Variants in RGL1 observed in about 807,000 individuals in gnomAD.
The protein encoded by RGL1 is ral guanine nucleotide dissociation stimulator-like 1.
RGL1 carries 24 observed loss-of-function variants against 95.2 expected under a neutral mutation model. The observed-to-expected ratio is 0.25, with a 90% CI of 0.18 to 0.35. The LOEUF (loss-of-function observed/expected upper bound fraction) is 0.35. Ranked by LOEUF, RGL1 falls within the 10% of genes least tolerant of loss-of-function variation. The pLI is 1.00. For missense variants in RGL1, 715 were observed against 936.3 expected (o/e 0.76, Z 3.08); for synonymous variants, 329 against 344.9 (o/e 0.95, Z 0.51).
chr1:183,723,724 G>A (rs546418183), intron 1 of RGL1, among the ~76,000 whole-genome samples: 11 of 152,314 alleles, frequency 7.2e-5, no homozygotes, highest in African/African-American at 2.6e-4. Context: ...AAACTTGAAA[G>A]GCAATCTAGG....
chr1:183,828,439 G>C (rs1022348237), intron 2 of RGL1, among the ~76,000 whole-genome samples: 2 of 152,172 alleles, frequency 1.3e-5, no homozygotes, highest in African/African-American at 4.8e-5. Flanking sequence ...GTGGAGTGGG[G>C]GTAGAGGGCA....
chr1:183,896,660 A>G (rs1205814202), intron 9 of RGL1, among the ~76,000 whole-genome samples: 1 of 152,244 alleles, frequency 6.6e-6, no homozygotes, highest in East Asian at 1.9e-4. Flanking sequence ...TAGAAGTTAT[A>G]TACTACTGAA....
At chr1:183,898,679 T>A (rs997182713) in intron 10 of RGL1, among the ~76,000 whole-genome samples, 106 of 152,340 alleles carry the variant, frequency 7.0e-4, no homozygotes, top group Middle Eastern at 3.4e-3. Flanking sequence ...TGTTACAAAC[T>A]TTTTTGGTTG....
chr1:183,842,579 G>C (rs1329305969), intron 2 of RGL1, among the ~76,000 whole-genome samples: 1 of 152,090 alleles, frequency 6.6e-6, no homozygotes, highest in East Asian at 1.9e-4. Context: ...GAAAAAGCTG[G>C]ATTCTAAAGG....
At chr1:183,856,026 G>A (rs1651272217) in intron 3 of RGL1, among the ~76,000 whole-genome samples, 1 of 152,120 alleles carries the variant, frequency 6.6e-6, no homozygotes, top group African/African-American at 2.4e-5. Flanking sequence ...AGATTTAGTG[G>A]TTGGTGGCTC....
At chr1:183,855,859 C>T (rs1041953279) in intron 3 of RGL1, among the ~76,000 whole-genome samples, 8 of 152,162 alleles carry the variant, frequency 5.3e-5, no homozygotes, top group African/African-American at 1.9e-4. Flanking sequence ...TAATGTTTAA[C>T]TTCCATCACT....
At chr1:183,910,912 G>C (rs1416149567) in intron 14 of RGL1, among the ~76,000 whole-genome samples, 1 of 152,220 alleles carries the variant, frequency 6.6e-6, no homozygotes, top group Non-Finnish European at 1.5e-5. Context: ...TAGACATGCA[G>C]ATATTTGTTG....
At chr1:183,660,960 G>T (rs1287105490) in intron 1 of RGL1, among the ~76,000 whole-genome samples, 6 of 152,242 alleles carry the variant, frequency 3.9e-5, no homozygotes, top group African/African-American at 1.2e-4. Flanking sequence ...AATGACTACT[G>T]GGTACGTAAC....
Position 183,724,684 on chromosome 1 carries a change from A to G in RGL1, c.-32-17442A>G, listed in dbSNP as rs74228148. ...ACCAGGGAGATTCCTAAGATTTCCA[A>G]CTCTAGGCCCTGGCTCCTGGATGGT... On this transcript the variant is annotated intron_variant, in intron 1 of 18. Coordinates refer to the RGL1 transcript ENST00000304685. The surrounding 1 kb of genome is among the most constrained non-coding windows in gnomAD (Gnocchi z 4.1). 2.6e-5 allele frequency among the ~76,000 whole-genome samples: 4 copies of G among 151,506 alleles called. No individual in the cohort carries two copies. The highest frequency in any genetic ancestry group is 2.1e-4 in the South Asian group (1 of 4,796).
intron 12 of RGL1, among the ~76,000 whole-genome samples, chr1:183,902,924 C>T (rs1668107984): frequency 1.3e-5 from 2 of 152,180 alleles, no homozygotes; most frequent in African/African-American, 4.8e-5. Context: ...CACTCCTTAT[C>T]TCCTTTACAA....
At chr1:183,790,738 A>G (rs1369816517) in intron 2 of RGL1, among the ~76,000 whole-genome samples, 2 of 152,228 alleles carry the variant, frequency 1.3e-5, no homozygotes, top group Non-Finnish European at 2.9e-5. Context: ...TTATTTGGCT[A>G]TAAGGTTGCC....
chr1:183,751,493 G>A (rs886067783), intron 2 of RGL1, among the ~76,000 whole-genome samples: 2 of 152,156 alleles, frequency 1.3e-5, no homozygotes, highest in African/African-American at 2.4e-5. Flanking sequence ...GGGTCTGTAG[G>A]GGTTTGACCT....
At chr1:183,804,585 A>G (rs1028795082), upstream of RGL1, among the ~76,000 whole-genome samples, 3 of 152,036 alleles carry the variant, frequency 2.0e-5, no homozygotes, top group Admixed American at 1.3e-4. Context: ...CCCACCCCCA[A>G]TGGCCAGTTA....
At chr1:183,776,097 T>C (rs1659580327) in intron 2 of RGL1, among the ~76,000 whole-genome samples, 1 of 151,406 alleles carries the variant, frequency 6.6e-6, no homozygotes, top group Non-Finnish European at 1.5e-5. Flanking sequence ...GTAACTACTA[T>C]AAACAAGACT....
chr1:183,664,514 T>G (rs993242639), intron 1 of RGL1, among the ~76,000 whole-genome samples: 2 of 151,844 alleles, frequency 1.3e-5, no homozygotes, highest in African/African-American at 4.8e-5. Context: ...ATACAGCTAG[T>G]AACTGGCAGA....
chr1:183,912,053 C>A (rs1480919274), intron 14 of RGL1, 29 bp from the exon 15 acceptor site: 1 of 1,600,766 alleles, frequency 6.2e-7, no homozygotes, highest in South Asian at 1.1e-5. Flanking sequence ...TGTAACAGCC[C>A]AAATGCTTGG....
chr1:183,711,795 G>T (rs1484517352), intron 1 of RGL1, among the ~76,000 whole-genome samples: 1 of 152,082 alleles, frequency 6.6e-6, no homozygotes, highest in African/African-American at 2.4e-5. Context: ...AATGGGGTGT[G>T]GGGGCGGGCG....
Position 183,723,083 on chromosome 1 carries a change from C to T in RGL1, c.-32-19043C>T, listed in dbSNP as rs12065808. ...AATGGAAGCACACCAATGCAAAATT[C>T]TTGTATTTTATGTAAAATATTGTAA... On this transcript the variant is annotated intron_variant, in intron 1 of 18. Coordinates refer to the RGL1 transcript ENST00000304685. 1.8e-3 allele frequency among the ~76,000 whole-genome samples: 275 copies of T among 152,110 alleles called. 6 individuals are homozygous for T. The East Asian group carries it at 0.042, about 23-fold the overall frequency.
At chr1:183,797,057 C>T (rs181752504) in intron 2 of RGL1, among the ~76,000 whole-genome samples, 12 of 152,122 alleles carry the variant, frequency 7.9e-5, no homozygotes, top group Admixed American at 4.6e-4. Context: ...TGGCCGGGCA[C>T]GGTGGCTCAC....
Sources: gnomAD v4.1 joint callset for allele counts (sites outside exome capture counted in the v4.1 genomes callset) on GRCh38, gnomAD v4.1.1 for gene constraint, Gnocchi (gnomAD v3.1) non-coding constraint, MANE v1.5 for transcripts, NCBI Gene and HGNC (gene_info 2026-07-23, HGNC 2026-07-21) for gene names.